The following TRIM9 variants were observed in gnomAD, a reference collection of about 807,000 sequenced individuals.
The protein encoded by TRIM9 is tripartite motif containing 9.
In TRIM9, 26 loss-of-function variants were observed where a neutral mutation model predicts 78.3. The observed-to-expected ratio is 0.33, with a 90% confidence interval of 0.24 to 0.46. TRIM9 has a LOEUF of 0.46. Among genes scored for constraint, TRIM9 ranks in the 20% least tolerant of loss-of-function variants. The pLI, the probability that TRIM9 is intolerant of heterozygous loss-of-function variation, is 1.00. For synonymous variants in TRIM9, 398 were observed against 416.5 expected (o/e 0.96, Z 0.54); for missense variants, 787 against 1,036.4 (o/e 0.76, Z 3.30).
chr14:51,023,260 T>C (rs1310951859), intron 2 of TRIM9, among the ~76,000 whole-genome samples: 1 of 152,218 alleles, frequency 6.6e-6, no homozygotes, highest in Non-Finnish European at 1.5e-5. Flanking sequence ...TGAATGTTTT[T>C]GAGGGCCACA....
At chr14:50,992,417 A>G (rs12432432) in intron 7 of TRIM9, among the ~76,000 whole-genome samples, 5 of 76,278 alleles carry the variant, frequency 6.6e-5, no homozygotes, top group Non-Finnish European at 6.3e-5. Flanking sequence ...GTCTCTACGG[A>G]AAAAAAAAAA....
intron 11 of TRIM9, among the ~76,000 whole-genome samples, chr14:50,980,164 A>G (rs2051667870): frequency 6.6e-6 from 1 of 152,176 alleles, no homozygotes; most frequent in Admixed American, 6.5e-5. Flanking sequence ...TTGCATTTGA[A>G]TTAAGAACTT....
chr14:50,992,416 GA>G (rs35856104), intron 7 of TRIM9, among the ~76,000 whole-genome samples: 38,221 of 145,878 alleles, frequency 0.26, 4,955 homozygotes, highest in Non-Finnish European at 0.29. Flanking sequence ...TGTCTCTACG[GA>G]AAAAAAAAAA....
At chr14:51,065,159 C>T (rs1372477291) in intron 1 of TRIM9, among the ~76,000 whole-genome samples, 3 of 152,280 alleles carry the variant, frequency 2.0e-5, no homozygotes, top group African/African-American at 7.2e-5. Flanking sequence ...TTAGGGATTA[C>T]ATATATGAAT....
chr14:51,009,882 A>G (rs1366006619), intron 4 of TRIM9, among the ~76,000 whole-genome samples: 1 of 152,224 alleles, frequency 6.6e-6, no homozygotes, highest in East Asian at 1.9e-4. Flanking sequence ...ACACCATAGC[A>G]TCTCACTAAA....
In TRIM9 at chr14:50,975,899, G is replaced by C. The variant is rs1207968421; in HGVS notation, c.*1392C>G. On this transcript the variant is annotated 3_prime_UTR_variant, in exon 13 of 13. Coordinates refer to ENST00000684578, the MANE Select transcript of TRIM9 (RefSeq NM_001387360.1). The stretch of plus-strand genomic sequence containing the variant: ...CATTATTATTCTGCTATCAGTCATA[G>C]TAATGACATACAGTCCCATGTTTTT... 1 of 152,610 alleles carries C rather than the reference G, an allele frequency of 6.6e-6. No individual in the cohort carries two copies. The highest frequency in any genetic ancestry group is 1.5e-5 in the Non-Finnish European group (1 of 68,038). The allele number at this position is 152,610 out of a possible 1,614,324, so 9.5% of individuals were successfully genotyped here.
At chr14:51,024,725 A>G (rs867402766) in intron 2 of TRIM9, among the ~76,000 whole-genome samples, 12 of 152,274 alleles carry the variant, frequency 7.9e-5, no homozygotes, top group Middle Eastern at 3.4e-3. Flanking sequence ...GTCTAAGCAG[A>G]GGAGAAGCAT....
intron 1 of TRIM9, among the ~76,000 whole-genome samples, chr14:51,045,687 A>G (rs1373930341): frequency 2.0e-5 from 3 of 152,370 alleles, no homozygotes; most frequent in Non-Finnish European, 4.4e-5. Flanking sequence ...GGGCAGATCT[A>G]GTAATCTGGA....
At chr14:51,039,584 G>A (rs1056254082) in intron 1 of TRIM9, among the ~76,000 whole-genome samples, 1 of 152,164 alleles carries the variant, frequency 6.6e-6, no homozygotes, top group Admixed American at 6.5e-5. Flanking sequence ...GTTTGATGGC[G>A]ATGGAAGGAG....
chr14:50,985,630 C>T (rs140880248), intron 8 of TRIM9, among the ~76,000 whole-genome samples: 6 of 152,312 alleles, frequency 3.9e-5, no homozygotes, highest in African/African-American at 7.2e-5. Flanking sequence ...ACTCAGCCAG[C>T]GCCCGTGCCG....
chr14:51,080,479 A>G (rs2063201962), intron 1 of TRIM9, among the ~76,000 whole-genome samples: 1 of 148,840 alleles, frequency 6.7e-6, no homozygotes, highest in African/African-American at 2.5e-5. Context: ...ACACACACAC[A>G]CGGAGAAACA....
At chr14:51,026,048 G>A (rs1384859753) in intron 1 of TRIM9, among the ~76,000 whole-genome samples, 1 of 152,136 alleles carries the variant, frequency 6.6e-6, no homozygotes. Flanking sequence ...GTCCAGGTAG[G>A]TACTTGCTCT....
intron 2 of TRIM9, among the ~76,000 whole-genome samples, chr14:51,024,004 C>T (rs899237165): frequency 2.0e-5 from 3 of 152,134 alleles, no homozygotes; most frequent in African/African-American, 4.8e-5. Flanking sequence ...GCAAGGTCTT[C>T]GTATAAGGAA....
intron 1 of TRIM9, among the ~76,000 whole-genome samples, chr14:51,047,105 C>G (rs945349875): frequency 4.6e-5 from 7 of 152,146 alleles, no homozygotes; most frequent in African/African-American, 1.7e-4. Flanking sequence ...GTGACGGTAT[C>G]TGCCTCTGCT....
intron 1 of TRIM9, among the ~76,000 whole-genome samples, chr14:51,066,248 T>A (rs1434508409): frequency 6.6e-6 from 1 of 152,174 alleles, no homozygotes; most frequent in Non-Finnish European, 1.5e-5. Context: ...TGTTTCATCT[T>A]TCATTCTCTC....
At chr14:51,088,651 A>G (rs531432256) in intron 1 of TRIM9, among the ~76,000 whole-genome samples, 266 of 152,244 alleles carry the variant, frequency 1.7e-3, no homozygotes, top group African/African-American at 6.0e-3. Flanking sequence ...AGTTGGTAAA[A>G]AAAAAAAAAA....
Position 50,986,034 on chromosome 14 carries a change from C to T in TRIM9, c.1714G>A (p.Gly572Arg). ...GATCGGAAATCAAAGTAGGATCTCCCGGGGAAGCTGGGTTGTAGATTAAGG... is the reference window on the plus strand; with the variant it reads ...GATCGGAAATCAAAGTAGGATCTCCTGGGGAAGCTGGGTTGTAGATTAAGG... ...STLNLQPSFP[G>R]RSYFDFRSSP... Residue 572 changes from glycine (G) to arginine (R), a missense_variant, in exon 8 of 13, where the codon GGG becomes AGG. Physicochemically the swap from Gly to Arg is moderately radical, Grantham distance 125. Transcript: ENST00000684578. 1 of 1,549,200 alleles carries T rather than the reference C, an allele frequency of 6.5e-7. No homozygotes were observed.
At chr14:50,982,306 G>T in intron 10 of TRIM9, 1 of 606,106 alleles carries the variant, frequency 1.6e-6, no homozygotes, top group Non-Finnish European at 2.9e-6. Flanking sequence ...ACACACGACC[G>T]ATTCAGCAGG....
intron 1 of TRIM9, among the ~76,000 whole-genome samples, chr14:51,075,186 G>T (rs2062654473): frequency 6.6e-6 from 1 of 152,118 alleles, no homozygotes; most frequent in East Asian, 1.9e-4. Flanking sequence ...GGTAGGCACA[G>T]GATCCAAATA....
Sources: allele counts gnomAD v4.1 joint callset (sites outside exome capture counted in the v4.1 genomes callset), GRCh38; gene constraint gnomAD v4.1.1; transcripts MANE v1.5; gene names NCBI Gene and HGNC (gene_info 2026-07-23, HGNC 2026-07-21).